GRIK2: variants seen among roughly 807,000 people sequenced by gnomAD.
The protein encoded by GRIK2 is glutamate receptor ionotropic, kainate 2.
In GRIK2, 32 loss-of-function variants were observed where a neutral mutation model predicts 100.3. That is an observed-to-expected ratio of 0.32 (90% CI 0.24 to 0.43). The LOEUF is 0.43. Ranked by LOEUF, GRIK2 falls within the 20% of genes least tolerant of loss-of-function variation. GRIK2 has a pLI of 1.00. For synonymous variants in GRIK2, 417 were observed against 389.4 expected (o/e 1.07, Z -0.83); for missense variants, 843 against 1,114.9 (o/e 0.76, Z 3.47).
chr6:102,022,625 T>C (rs1176935324), intron 14 of GRIK2, among the ~76,000 whole-genome samples: 2 of 151,716 alleles, frequency 1.3e-5, no homozygotes, highest in Admixed American at 1.3e-4. Flanking sequence ...AATAACTTTA[T>C]GCAAAGTTCA....
chr6:101,758,674 A>T (rs1777291972), intron 7 of GRIK2, among the ~76,000 whole-genome samples: 1 of 152,196 alleles, frequency 6.6e-6, no homozygotes, highest in East Asian at 1.9e-4. Flanking sequence ...AGATTTATTA[A>T]ATTTCACTCA....
chr6:101,873,340 G>C (rs1785561700), intron 11 of GRIK2, among the ~76,000 whole-genome samples: 1 of 147,102 alleles, frequency 6.8e-6, no homozygotes, highest in Non-Finnish European at 1.5e-5. Flanking sequence ...GTGAGAACAT[G>C]TGGTGTTTGG....
At chr6:101,611,275 A>G (rs1779664089) in intron 2 of GRIK2, among the ~76,000 whole-genome samples, 1 of 151,920 alleles carries the variant, frequency 6.6e-6, no homozygotes, top group African/African-American at 2.4e-5. Context: ...ATTTCAGTTT[A>G]TATACTGACT....
intron 2 of GRIK2, among the ~76,000 whole-genome samples, chr6:101,420,886 G>A (rs532805598): frequency 6.6e-6 from 1 of 152,246 alleles, no homozygotes; most frequent in African/African-American, 2.4e-5. Context: ...AATTAGAGGG[G>A]AAAAAGGGTT....
Position 102,012,723 on chromosome 6 carries a change from AT to A in GRIK2, c.2086-22616del, listed in dbSNP as rs1268782217. 1.3e-5 allele frequency among the ~76,000 whole-genome samples: 2 copies of A among 152,020 alleles called. 1 individual carries two copies. Among genetic ancestry groups the A allele is most frequent in the Middle Eastern group, 6.3e-3 (2 of 316 alleles). On this transcript the variant is annotated intron_variant, in intron 14 of 16. Coordinates refer to ENST00000369134, the MANE Select transcript of GRIK2 (RefSeq NM_021956.5). ...TCCTAAAACCTTGTTCTAATTGTTT[AT>A]TGGTTCCAAGAGGGGGTTGTAGGTA...
At chr6:101,956,301 C>T (rs1357492976) in intron 14 of GRIK2, among the ~76,000 whole-genome samples, 1 of 152,120 alleles carries the variant, frequency 6.6e-6, no homozygotes, top group Non-Finnish European at 1.5e-5. Flanking sequence ...CAAAAAGCCA[C>T]ATGAGATATT....
rs181506738 is a variant in GRIK2, at chr6:101,713,572, A to G, written c.951+27219A>G. Among the ~76,000 whole-genome samples the G allele has an allele frequency of 1.8e-3, 270 of 151,936 alleles. 2 individuals carry two copies. Among genetic ancestry groups the G allele is most frequent in the African/African-American group, 5.9e-3 (247 of 41,514 alleles). The stretch of plus-strand genomic sequence containing the variant: ...ATAAGATATTCAGCAAAAGACTATG[A>G]TAAATCAGTTTCTCTTTATTGAAGA... On this transcript the variant is annotated intron_variant, in intron 7 of 16. Transcript: ENST00000369134.
At chr6:102,022,607 T>C (rs1172709992) in intron 14 of GRIK2, among the ~76,000 whole-genome samples, 1 of 151,740 alleles carries the variant, frequency 6.6e-6, no homozygotes, top group Non-Finnish European at 1.5e-5. Flanking sequence ...TTCCTTCAGC[T>C]ATTCTATAAT....
intron 2 of GRIK2, among the ~76,000 whole-genome samples, chr6:101,543,361 G>A (rs182822119): frequency 2.5e-3 from 384 of 152,228 alleles, no homozygotes; most frequent in African/African-American, 8.8e-3. Flanking sequence ...TTAACAACCT[G>A]GAAAATGTAA....
chr6:101,553,677 G>C (rs1414212582), intron 2 of GRIK2, among the ~76,000 whole-genome samples: 2 of 152,146 alleles, frequency 1.3e-5, no homozygotes, highest in African/African-American at 4.8e-5. Flanking sequence ...TTCCTTCTTT[G>C]TATGAGCAAG....
rs112472112 is a variant in GRIK2, at chr6:101,841,369, A to ATTTT, written c.1318-17909_1318-17906dup. On this transcript the variant is annotated intron_variant, in intron 10 of 16. Coordinates refer to ENST00000369134, the MANE Select transcript of GRIK2 (RefSeq NM_021956.5). ...CGTGCATTGTGAATATCTCAGAATG[A>ATTTT]TTTTTTTTTTTTGGTACGGTTTCTC... is the stretch of plus-strand genomic sequence containing the variant. Among the ~76,000 whole-genome samples the ATTTT allele has an allele frequency of 1.3e-3, 188 of 147,168 alleles. 3 individuals carry two copies. In the South Asian group the frequency reaches 0.03, roughly 24 times the overall value.
chr6:102,039,726 C>A (rs959088193), intron 15 of GRIK2, among the ~76,000 whole-genome samples: 5 of 151,630 alleles, frequency 3.3e-5, no homozygotes, highest in African/African-American at 1.2e-4. Context: ...ACTCAGCAGT[C>A]CGTGAGCTGG....
chr6:101,564,043 C>A (rs1264716780), intron 2 of GRIK2, among the ~76,000 whole-genome samples: 2 of 152,120 alleles, frequency 1.3e-5, no homozygotes, highest in African/African-American at 4.8e-5. Context: ...CTTGGATCCA[C>A]CCGCCAAGGC....
chr6:101,543,462 A>G (rs1358133036), intron 2 of GRIK2, among the ~76,000 whole-genome samples: 3 of 152,240 alleles, frequency 2.0e-5, no homozygotes, highest in Non-Finnish European at 4.4e-5. Context: ...ATATTCATAC[A>G]TGATCTGAAC....
At chr6:101,607,018 C>G (rs1582814831) in intron 2 of GRIK2, among the ~76,000 whole-genome samples, 1 of 151,966 alleles carries the variant, frequency 6.6e-6, no homozygotes, top group East Asian at 1.9e-4. Flanking sequence ...TTGTTGTCCT[C>G]TGCTAAAACC....
intron 7 of GRIK2, among the ~76,000 whole-genome samples, chr6:101,796,937 C>G (rs903772299): frequency 1.3e-5 from 2 of 152,038 alleles, no homozygotes; most frequent in Non-Finnish European, 2.9e-5. Flanking sequence ...ACTACTGTGT[C>G]CTGATCTTGA....
At chr6:101,454,012 A>G (rs1278660275) in intron 2 of GRIK2, among the ~76,000 whole-genome samples, 2 of 152,094 alleles carry the variant, frequency 1.3e-5, no homozygotes, top group African/African-American at 4.8e-5. Flanking sequence ...GTTACACGAA[A>G]CAAAGGAAGT....
intron 14 of GRIK2, among the ~76,000 whole-genome samples, chr6:101,960,960 G>A (rs1792260073): frequency 6.6e-6 from 1 of 152,066 alleles, no homozygotes; most frequent in Non-Finnish European, 1.5e-5. Flanking sequence ...GTACAGGTGG[G>A]ACAAAGCTGG....
At chr6:101,952,166 G>A (rs1791641236) in intron 14 of GRIK2, among the ~76,000 whole-genome samples, 1 of 152,278 alleles carries the variant, frequency 6.6e-6, no homozygotes, top group South Asian at 2.1e-4. Flanking sequence ...CTCTATGACG[G>A]AACCATCCAG....
Sources: gnomAD v4.1 joint callset for allele counts (sites outside exome capture counted in the v4.1 genomes callset) on GRCh38, gnomAD v4.1.1 for gene constraint, MANE v1.5 for transcripts, NCBI Gene and HGNC (gene_info 2026-07-23, HGNC 2026-07-21) for gene names.